The following KIF1C variants were observed in gnomAD, a reference collection of about 807,000 sequenced individuals.
KIF1C encodes the protein kinesin-like protein KIF1C.
KIF1C carries 61 observed loss-of-function variants against 126.5 expected under a neutral mutation model. That is an observed-to-expected ratio of 0.48 (90% CI 0.39 to 0.60). The LOEUF (loss-of-function observed/expected upper bound fraction) is 0.60. Among genes scored for constraint, KIF1C ranks in the 20% least tolerant of loss-of-function variants. The pLI is 0.00. For synonymous variants in KIF1C, 640 were observed against 580.6 expected (o/e 1.10, Z -1.47); for missense variants, 1,315 against 1,489.2 (o/e 0.88, Z 1.93).
At chr17:5,014,183 T>A (rs904164283) in intron 17 of KIF1C, 4 of 175,336 alleles carry the variant, frequency 2.3e-5, no homozygotes, top group Admixed American at 5.8e-5. Context: ...AGGGTGCCCT[T>A]CCCCTCCCAC....
rs1487998844 is a variant in KIF1C, at chr17:5,014,978, C to CT, written c.1666+143dup. 7 of 678,616 alleles carry CT rather than the reference C, an allele frequency of 1.0e-5. No homozygotes were observed. The Admixed American group carries it at 1.8e-4, about 17-fold the overall frequency. 42.0% of individuals were successfully genotyped at this position (678,616 alleles called of 1,614,324 possible). On this transcript the variant is annotated intron_variant, in intron 18 of 22. Coordinates refer to ENST00000320785, the MANE Select transcript of KIF1C (RefSeq NM_006612.6). ...GGATGTGGCCTTGTCCTCAGAGGGG[C>CT]TTGGGGCTCATGGGTATGAATGGAG...
In KIF1C at chr17:5,002,791, C is replaced by G; in HGVS notation, c.669C>G (p.Ile223Met). The change falls in exon 8 of 23, where the codon ATC becomes ATG. Residue 223 changes from isoleucine to methionine, a missense_variant. Ile to Met is a conservative substitution (Grantham distance 10). Transcript: ENST00000320785. ...GCCGTTCCCATGCCGTCTTTACCATCGTCTTCACACAGCGCTGCCATGACC... is the reference window on the plus strand; with the variant it reads ...GCCGTTCCCATGCCGTCTTTACCATGGTCTTCACACAGCGCTGCCATGACC... ...TSSRSHAVFT[I>M]VFTQRCHDQL... 2.5e-6 allele frequency: 4 copies of G among 1,613,990 alleles called. No individual in the cohort carries two copies. In the South Asian group the frequency reaches 3.3e-5, roughly 13 times the overall value.
At position 4,999,985 on chromosome 17, in the gene KIF1C, C is replaced by T. The variant is rs1168504638; in HGVS notation, c.-28+15C>T. The T allele has an allele frequency of 4.2e-6, 2 of 477,578 alleles. No individual in the cohort carries two copies. The highest frequency in any genetic ancestry group is 2.3e-5 in the South Asian group (1 of 43,068). The allele number at this position is 477,578 out of a possible 1,614,324, so 29.6% of individuals were successfully genotyped here. The stretch of plus-strand genomic sequence containing the variant: ...CAGGACGCCAGGTAACTGGGGGAGA[C>T]CGCCCAGGTTCCTGCAAGCTGGAAT... On this transcript the variant is annotated intron_variant, in intron 2 of 22. Transcript: ENST00000320785.
In KIF1C at chr17:5,024,460, C is replaced by T. The variant is rs548219571; in HGVS notation, c.*309C>T. The T allele has an allele frequency of 5.1e-4, 170 of 335,568 alleles. No individual in the cohort carries two copies. Among genetic ancestry groups the T allele is most frequent in the Non-Finnish European group, 8.3e-4 (153 of 183,946 alleles). 20.8% of individuals were successfully genotyped at this position (335,568 alleles called of 1,614,324 possible). On this transcript the variant is annotated 3_prime_UTR_variant, in exon 23 of 23. Coordinates refer to ENST00000320785, the MANE Select transcript of KIF1C (RefSeq NM_006612.6). ...GGTGGGGGGCTGGGGTGCTGCGTAG[C>T]CAGTGTTTGACTTTCTTTTCAAGTG...
chr17:5,002,910 G>T, intron 8 of KIF1C, 68 bp downstream of exon 8: 2 of 1,305,692 alleles, frequency 1.5e-6, no homozygotes, highest in South Asian at 2.4e-5. Context: ...ACAGTGACAT[G>T]GTAGAAGGGT....
chr17:5,007,038 A>G lies in KIF1C; in HGVS notation c.1289A>G (p.Asn430Ser), dbSNP rs777498924. The G allele has an allele frequency of 6.2e-7, 1 of 1,607,212 alleles. No homozygotes were observed. Among genetic ancestry groups the G allele is most frequent in the Non-Finnish European group, 8.5e-7 (1 of 1,178,110 alleles). ...GAGCTGGAGCCGTCATTCTCCCCCA[A>G]CACGGAGTCCCAGATTGGGCCTGAG... The part of the protein sequence containing the change: ...NGELEPSFSP[N>S]TESQIGPEEA... The change falls in exon 14 of 23, where the codon AAC becomes AGC. Residue 430 changes from asparagine to serine, a missense_variant. Physicochemically the swap from Asn to Ser is conservative, Grantham distance 46 (BLOSUM62 1). This residue lies in a region of KIF1C where 874 missense variants were observed against 1,053.2 expected (regional missense o/e 0.83). Transcript: ENST00000320785.
chr17:5,020,687 G>A lies in KIF1C; in HGVS notation c.1937+9G>A, dbSNP rs749588097. The A allele has an allele frequency of 4.3e-6, 7 of 1,612,714 alleles. No individual in the cohort carries two copies. Among genetic ancestry groups the A allele is most frequent in the African/African-American group, 2.7e-5 (2 of 74,922 alleles). The stretch of plus-strand genomic sequence containing the variant: ...CTGGAAATGGAGAAGAGGTGCGAGG[G>A]GGTTACCCACGTGCCCCATGGCCGT... On this transcript the variant is annotated intron_variant, in intron 20 of 22. Transcript: ENST00000320785. The surrounding 1 kb of genome is among the most constrained non-coding windows in gnomAD (Gnocchi z 5.8).
At chr17:5,005,074 A>T (rs757861201) in intron 13 of KIF1C, 74 bp downstream of exon 13, 13 of 1,590,976 alleles carry the variant, frequency 8.2e-6, no homozygotes, top group Non-Finnish European at 1.0e-5. Flanking sequence ...GCCTTTGCCC[A>T]GTCCTGGAGC....
chr17:5,006,618 G>C (rs984943073), intron 13 of KIF1C, among the ~76,000 whole-genome samples: 1 of 152,166 alleles, frequency 6.6e-6, no homozygotes, highest in Non-Finnish European at 1.5e-5. Context: ...TTACAGGTGT[G>C]AGTCACCACA....
At position 5,001,396 on chromosome 17, in the gene KIF1C, C is replaced by T. The variant is rs1426072494; in HGVS notation, c.358C>T (p.Pro120Ser). The change falls in exon 5 of 23, where the codon CCC becomes TCC. Residue 120 changes from proline to serine, a missense_variant. Transcript: ENST00000320785. ...RQEPGQQGIV[P>S]QLCEDLFSRV... is the part of the protein sequence containing the mutation. The stretch of plus-strand genomic sequence containing the variant: ...GGAGCCAGGGCAGCAGGGCATCGTG[C>T]CCCAGGTACGCCTAGGACCTGGTGG... 6.2e-7 allele frequency: 1 copy of T among 1,613,796 alleles called. No individual in the cohort carries two copies. Among genetic ancestry groups the T allele is most frequent in the Admixed American group, 1.7e-5 (1 of 59,998 alleles).
chr17:5,024,242 AGGGAGGC>A lies in KIF1C; in HGVS notation c.*92_*98del. ...GCTGCTTCCCCAGAAGTGCTGGGGCAGGGAGGCCCAGGAGATGAGAGAGAAGGTCCGA... is the reference window on the plus strand; with the variant it reads ...GCTGCTTCCCCAGAAGTGCTGGGGCACCAGGAGATGAGAGAGAAGGTCCGA... On this transcript the variant is annotated 3_prime_UTR_variant, in exon 23 of 23. Transcript: ENST00000320785. 1 of 905,016 alleles carries A rather than the reference AGGGAGGC, an allele frequency of 1.1e-6. No homozygotes were observed. Among genetic ancestry groups the A allele is most frequent in the Non-Finnish European group, 1.7e-6 (1 of 589,616 alleles). 56.1% of individuals were successfully genotyped at this position (905,016 alleles called of 1,614,324 possible).
Position 5,020,161 on chromosome 17 carries a change from C to A in KIF1C, c.1750+82C>A. 1 of 1,015,308 alleles carries A rather than the reference C, an allele frequency of 9.8e-7. No homozygotes were observed. Among genetic ancestry groups the A allele is most frequent in the African/African-American group, 1.6e-5 (1 of 62,856 alleles). The allele number at this position is 1,015,308 out of a possible 1,614,324, so 62.9% of individuals were successfully genotyped here. Reference sequence around the variant, plus strand: ...CAAGGGAGGTCCTTCTGGGTGCATCCTAGAGGAGGACCCTGAAATACATCA... The same window carrying A: ...CAAGGGAGGTCCTTCTGGGTGCATCATAGAGGAGGACCCTGAAATACATCA... On this transcript the variant is annotated intron_variant, in intron 19 of 22. Coordinates refer to ENST00000320785, the MANE Select transcript of KIF1C (RefSeq NM_006612.6). The surrounding 1 kb of genome is among the most constrained non-coding windows in gnomAD (Gnocchi z 5.8).
chr17:5,001,067 G>A (rs1471913617), intron 4 of KIF1C, among the ~76,000 whole-genome samples, 155 bp from the exon 5 acceptor site: 2 of 152,126 alleles, frequency 1.3e-5, no homozygotes, highest in Non-Finnish European at 2.9e-5. Flanking sequence ...GGCTGGATAG[G>A]ATCCTTGGGG....
In KIF1C at chr17:4,998,337, G is replaced by A. The variant is rs1974444755; in HGVS notation, c.-149+181G>A. ...CGGCCGCCGGCTGGCTGGACAGGAG[G>A]ACGGGTCCGCATGGCCGCCCTGAGA... On this transcript the variant is annotated intron_variant, in intron 1 of 22. Coordinates refer to ENST00000320785, the MANE Select transcript of KIF1C (RefSeq NM_006612.6). Among the ~76,000 whole-genome samples, 4 of 152,196 alleles carry A rather than the reference G, an allele frequency of 2.6e-5. No homozygotes were observed. The South Asian group carries it at 6.2e-4, about 24-fold the overall frequency.
intron 16 of KIF1C, among the ~76,000 whole-genome samples, chr17:5,010,137 G>T (rs1213013659): frequency 6.6e-6 from 1 of 152,126 alleles, no homozygotes; most frequent in African/African-American, 2.4e-5. Flanking sequence ...TGTTGGCCAG[G>T]CTGGTCTCAA....
chr17:5,013,510 A>G (rs1974909691), intron 16 of KIF1C, 143 bp from the exon 17 acceptor site: 3 of 643,976 alleles, frequency 4.7e-6, no homozygotes, highest in Non-Finnish European at 8.4e-6. Flanking sequence ...GGAGGAGTAC[A>G]GAGGGCAGGA....
At chr17:5,005,269 T>C (rs1974700877) in intron 13 of KIF1C, among the ~76,000 whole-genome samples, 1 of 152,144 alleles carries the variant, frequency 6.6e-6, no homozygotes. Flanking sequence ...CAGGAAAAAA[T>C]GGCAATATAT....
At position 5,020,752 on chromosome 17, in the gene KIF1C, T is replaced by C. The variant is rs1975072756; in HGVS notation, c.1938-54T>C. 1 of 1,603,774 alleles carries C rather than the reference T, an allele frequency of 6.2e-7. No homozygotes were observed. The highest frequency in any genetic ancestry group is 1.3e-5 in the African/African-American group (1 of 74,920). The stretch of plus-strand genomic sequence containing the variant: ...CCGGGCCTCTGGGCCCGTGTCCTCC[T>C]CTTGTCAGATACTCACCAAGGTTGC... On this transcript the variant is annotated intron_variant, in intron 20 of 22. Coordinates refer to ENST00000320785, the MANE Select transcript of KIF1C (RefSeq NM_006612.6). The surrounding 1 kb of genome is among the most constrained non-coding windows in gnomAD (Gnocchi z 5.8).
chr17:5,022,751 C>T lies in KIF1C; in HGVS notation c.2628+42C>T. 6.8e-7 allele frequency: 1 copy of T among 1,475,122 alleles called. No individual in the cohort carries two copies. Among genetic ancestry groups the T allele is most frequent in the Non-Finnish European group, 8.9e-7 (1 of 1,118,160 alleles). 91.4% of individuals were successfully genotyped at this position (1,475,122 alleles called of 1,614,324 possible). ...GCCTCCCTTCTCTCCTCCCTCGGCT[C>T]TTCACTTTAGGAGTCTGAACCTTCC... On this transcript the variant is annotated intron_variant, in intron 22 of 22. Coordinates refer to ENST00000320785, the MANE Select transcript of KIF1C (RefSeq NM_006612.6). The surrounding 1 kb of genome is among the most constrained non-coding windows in gnomAD (Gnocchi z 4.9).
Sources: gnomAD v4.1 joint callset for allele counts (sites outside exome capture counted in the v4.1 genomes callset) on GRCh38, gnomAD v4.1.1 for gene constraint, gnomAD v4.1.1 regional missense constraint, Gnocchi (gnomAD v3.1) non-coding constraint, MANE v1.5 for transcripts, NCBI Gene and HGNC (gene_info 2026-07-23, HGNC 2026-07-21) for gene names.